The following PARD6G variants were observed in gnomAD, a reference collection of about 807,000 sequenced individuals.
The protein encoded by PARD6G is partitioning defective 6 homolog gamma.
Under a neutral mutation model 10.7 loss-of-function variants are expected in PARD6G, and 7 were observed. That is an observed-to-expected ratio of 0.66 (90% CI 0.37 to 1.23). The LOEUF (loss-of-function observed/expected upper bound fraction) is 1.23. Among genes scored for constraint, PARD6G ranks in the 50% most tolerant of loss-of-function variants. The pLI is 0.02. For synonymous variants in PARD6G, 287 were observed against 269.4 expected, an observed-to-expected ratio of 1.07 and a Z score of -0.64; for missense variants, 548 against 571.8, an observed-to-expected ratio of 0.96 and a Z score of 0.42.
intron 1 of PARD6G, among the ~76,000 whole-genome samples, chr18:80,224,938 C>T (rs1967275507): frequency 6.6e-6 from 1 of 152,122 alleles, no homozygotes; most frequent in African/African-American, 2.4e-5. Context: ...AACTTGATTC[C>T]AGGCTGGAAC....
chr18:80,205,727 C>T (rs1967048093), intron 1 of PARD6G, among the ~76,000 whole-genome samples: 2 of 152,222 alleles, frequency 1.3e-5, no homozygotes, highest in South Asian at 4.1e-4. Flanking sequence ...CCTGTGCAGC[C>T]TGTGGAACCG....
chr18:80,172,445 C>T (rs937265015), intron 2 of PARD6G, among the ~76,000 whole-genome samples: 4 of 148,232 alleles, frequency 2.7e-5, no homozygotes, highest in Admixed American at 6.8e-5. Flanking sequence ...GTGAGGTGAT[C>T]TCAGCTCACT....
chr18:80,218,831 G>A (rs577268704), intron 1 of PARD6G, among the ~76,000 whole-genome samples: 1 of 152,342 alleles, frequency 6.6e-6, no homozygotes, highest in African/African-American at 2.4e-5. Flanking sequence ...TCTAGGCGGA[G>A]GTTCCCAAAC....
chr18:80,187,125 G>A (rs1461737696), intron 2 of PARD6G, among the ~76,000 whole-genome samples: 1 of 151,878 alleles, frequency 6.6e-6, no homozygotes, highest in Non-Finnish European at 1.5e-5. Flanking sequence ...AGAAATCAAG[G>A]AAGAATCCAC....
chr18:80,183,150 T>G lies in PARD6G; in HGVS notation c.295+19560A>C, dbSNP rs919944883. 5 of 702,934 alleles carry G rather than the reference T, an allele frequency of 7.1e-6. No homozygotes were observed. Among genetic ancestry groups the G allele is most frequent in the Non-Finnish European group, 1.3e-5 (5 of 384,990 alleles). 43.5% of individuals were successfully genotyped at this position (702,934 alleles called of 1,614,324 possible). A position where few individuals can be genotyped will look rare whatever the true frequency, so the allele number is the denominator to read the frequency against. On this transcript the variant is annotated intron_variant, in intron 2 of 2. Transcript: ENST00000353265. This position sits in a 1 kb window ranked among gnomAD's most constrained non-coding sequence, Gnocchi z 4.5. Reference sequence around the variant, plus strand: ...GGTTCCTGGTCGCAGGGCTCCGTCATCTGCAGGAAAATTAGTGAAGAAGTG... The same window carrying G: ...GGTTCCTGGTCGCAGGGCTCCGTCAGCTGCAGGAAAATTAGTGAAGAAGTG...
rs2052895032 is a variant in PARD6G at position 80,189,215 on chromosome 18, G to C, written c.295+13495C>G. 1 of 152,242 alleles carries C rather than the reference G, an allele frequency of 6.6e-6. No homozygotes were observed. The highest frequency in any genetic ancestry group is 1.5e-5 in the Non-Finnish European group (1 of 68,056). The allele number at this position is 152,242 out of a possible 1,614,324, so 9.4% of individuals were successfully genotyped here. A position where few individuals can be genotyped will look rare whatever the true frequency, so the allele number is the denominator to read the frequency against. ...GCAGACCTCCTTCAGCAATTCCCAT[G>C]GCCAGCATTCAAGGCCAAATTTTGC... On this transcript the variant is annotated intron_variant, in intron 2 of 2. Transcript: ENST00000353265. This position sits in a 1 kb window ranked among gnomAD's most constrained non-coding sequence, Gnocchi z 5.5.
chr18:80,196,571 G>A (rs1176280302), intron 2 of PARD6G, among the ~76,000 whole-genome samples: 1 of 152,142 alleles, frequency 6.6e-6, no homozygotes, highest in East Asian at 1.9e-4. Flanking sequence ...TACATACAAG[G>A]TGTTTTGCTG....
At chr18:80,230,850 C>T (rs996633648) in intron 1 of PARD6G, among the ~76,000 whole-genome samples, 11 of 152,162 alleles carry the variant, frequency 7.2e-5, no homozygotes, top group Admixed American at 2.0e-4. Context: ...TGTGTGCATG[C>T]TCTCTGTAAT....
rs955428244 is a variant in PARD6G at position 80,228,688 on chromosome 18, G to A, written c.72+18589C>T. On this transcript the variant is annotated intron_variant, in intron 1 of 2. Transcript: ENST00000353265. The surrounding 1 kb of genome is among the most constrained non-coding windows in gnomAD (Gnocchi z 4.6). Reference sequence around the variant, plus strand: ...GCCCCATCCCCTGCCCACAGACTGCGCCTCCCACCTAAGGCCCTTCTCCAC... The same window carrying A: ...GCCCCATCCCCTGCCCACAGACTGCACCTCCCACCTAAGGCCCTTCTCCAC... Among the ~76,000 whole-genome samples the A allele has an allele frequency of 4.7e-5, 7 of 149,960 alleles. No homozygotes were observed. The highest frequency in any genetic ancestry group is 1.0e-4 in the Non-Finnish European group (7 of 67,622).
intron 2 of PARD6G, among the ~76,000 whole-genome samples, chr18:80,165,420 T>G (rs2052729101): frequency 6.6e-6 from 1 of 152,218 alleles, no homozygotes; most frequent in Non-Finnish European, 1.5e-5. Flanking sequence ...TAAAAATCAC[T>G]GTTATTCTGT....
chr18:80,215,504 G>A (rs1245404471), intron 1 of PARD6G, among the ~76,000 whole-genome samples: 4 of 152,094 alleles, frequency 2.6e-5, no homozygotes, highest in African/African-American at 9.7e-5. Flanking sequence ...ATAGGGATGG[G>A]AATAGAGTTA....
chr18:80,239,659 C>T (rs957870936), intron 1 of PARD6G, among the ~76,000 whole-genome samples: 12 of 152,192 alleles, frequency 7.9e-5, no homozygotes, highest in African/African-American at 2.7e-4. Context: ...CTGAGAAACT[C>T]AGGAGGTGCC....
chr18:80,177,711 A>T (rs549614159), intron 2 of PARD6G, among the ~76,000 whole-genome samples: 1 of 151,892 alleles, frequency 6.6e-6, no homozygotes, highest in East Asian at 1.9e-4. Context: ...ACACACATAT[A>T]CACGCAAACA....
chr18:80,212,116 A>G (rs769174809), intron 1 of PARD6G, among the ~76,000 whole-genome samples: 7 of 152,176 alleles, frequency 4.6e-5, no homozygotes, highest in Admixed American at 6.5e-5. Context: ...TTCTCCTCAC[A>G]TTTACATATT....
chr18:80,203,216 A>G (rs1967025644), intron 1 of PARD6G, among the ~76,000 whole-genome samples: 1 of 152,208 alleles, frequency 6.6e-6, no homozygotes, highest in African/African-American at 2.4e-5. Context: ...GTTCTCTGAG[A>G]TATCTCATAC....
In PARD6G at chr18:80,159,921, A is replaced by G. The variant is rs765352184; in HGVS notation, c.981T>C (p.Asn327=). 2 of 1,507,640 alleles carry G rather than the reference A, an allele frequency of 1.3e-6. No individual in the cohort carries two copies. Among genetic ancestry groups the G allele is most frequent in the Non-Finnish European group, 1.8e-6 (2 of 1,135,846 alleles). 93.4% of individuals were successfully genotyped at this position (1,507,640 alleles called of 1,614,324 possible). A position where few individuals can be genotyped will look rare whatever the true frequency, so the allele number is the denominator to read the frequency against. Residue 327 remains asparagine, a synonymous_variant, in exon 3 of 3, where the codon AAT becomes AAC. Transcript: ENST00000353265. ...GCAGCCGCTGCGCCAGGCCCGCGCC[A>G]TTGACCCGGGAGAGGCTGCCTGCGG... is the stretch of plus-strand genomic sequence containing the variant. ...GAPAGSLSRV[N]GAGLAQRLQR... is the part of the protein sequence containing the mutation.
intron 1 of PARD6G, among the ~76,000 whole-genome samples, chr18:80,224,693 A>C (rs929677156): frequency 3.9e-5 from 6 of 152,152 alleles, no homozygotes; most frequent in Non-Finnish European, 8.8e-5. Flanking sequence ...TAAAAATACA[A>C]AAAATTAGCC....
intron 2 of PARD6G, among the ~76,000 whole-genome samples, chr18:80,197,003 G>A (rs1445626138): frequency 2.8e-5 from 4 of 145,364 alleles, no homozygotes; most frequent in African/African-American, 1.0e-4. Flanking sequence ...CTACCCCAGA[G>A]GGCAAAGCCC....
At position 80,181,779 on chromosome 18, in the gene PARD6G, G is replaced by A. The variant is rs746707662; in HGVS notation, c.295+20931C>T. 2.0e-5 allele frequency among the ~76,000 whole-genome samples: 3 copies of A among 151,942 alleles called. No individual in the cohort carries two copies. The highest frequency in any genetic ancestry group is 2.9e-5 in the Non-Finnish European group (2 of 68,006). On this transcript the variant is annotated intron_variant, in intron 2 of 2. Transcript: ENST00000353265. This position sits in a 1 kb window ranked among gnomAD's most constrained non-coding sequence, Gnocchi z 7.9. ...TGGGCATCGGCTCCCCATTCCTCGC[G>A]TCCTCTCCCCCTGTGCAGAGCATGT... is the stretch of plus-strand genomic sequence containing the variant.
Sources: gnomAD v4.1 joint callset for allele counts (sites outside exome capture counted in the v4.1 genomes callset) on GRCh38, gnomAD v4.1.1 for gene constraint, Gnocchi (gnomAD v3.1) non-coding constraint, MANE v1.5 for transcripts, NCBI Gene and HGNC (gene_info 2026-07-23, HGNC 2026-07-21) for gene names.